Variants in PRKN observed in about 807,000 individuals in gnomAD.
PRKN encodes the protein parkin RBR E3 ubiquitin protein ligase, also known as E3 ubiquitin-protein ligase parkin.
A neutral mutation model predicts 59.5 loss-of-function variants in PRKN; 56 were observed. The ratio of observed to expected loss-of-function variants is 0.94; its 90% CI spans 0.76 to 1.18. The LOEUF (loss-of-function observed/expected upper bound fraction) is 1.18. Ranked by LOEUF, PRKN falls within the 50% of genes most tolerant of loss-of-function variation. PRKN has a pLI of 0.00. For synonymous variants in PRKN, 250 were observed against 222.1 expected, an observed-to-expected ratio of 1.13 and a Z score of -1.12; for missense variants, 657 against 596.4, an observed-to-expected ratio of 1.10 and a Z score of -1.06.
At chr6:161,603,632 TCTCTAA>T (rs1246760177) in intron 7 of PRKN, among the ~76,000 whole-genome samples, 6 of 152,206 alleles carry the variant, frequency 3.9e-5, no homozygotes, top group African/African-American at 1.4e-4. Flanking sequence ...TTTTATCTTC[TCTCTAA>T]CTCTTTGTGT....
At chr6:161,668,048 G>A (rs1303269383) in intron 7 of PRKN, among the ~76,000 whole-genome samples, 1 of 152,112 alleles carries the variant, frequency 6.6e-6, no homozygotes, top group Non-Finnish European at 1.5e-5. Flanking sequence ...AGATCTTGAT[G>A]TATGTTTTCT....
chr6:161,845,496 C>T (rs184169235), intron 6 of PRKN, among the ~76,000 whole-genome samples: 152 of 152,216 alleles, frequency 1.0e-3, no homozygotes, highest in African/African-American at 3.4e-3. Flanking sequence ...AATGTCCTCA[C>T]GTGCCACAAG....
intron 10 of PRKN, among the ~76,000 whole-genome samples, chr6:161,382,277 G>A (rs553114919): frequency 1.1e-4 from 16 of 152,112 alleles, no homozygotes; most frequent in Admixed American, 6.5e-4. Context: ...AGGGCAGATG[G>A]CTTCTGGGAG....
chr6:161,678,216 CTTTTTTTTTTTTTT>C (rs3066554), intron 7 of PRKN, among the ~76,000 whole-genome samples: 12 of 64,948 alleles, frequency 1.8e-4, no homozygotes, highest in Admixed American at 1.3e-3. Context: ...TACTGAATCA[CTTTTTTTTTTTTTT>C]TTTTTTTTTT....
At chr6:162,280,796 C>CAAAA (rs35943173) in intron 2 of PRKN, among the ~76,000 whole-genome samples, 476 of 41,216 alleles carry the variant, frequency 0.012, 46 homozygotes, top group East Asian at 0.052. Flanking sequence ...GACTCCATCT[C>CAAAA]AAAAAAAAAA....
intron 6 of PRKN, among the ~76,000 whole-genome samples, chr6:161,900,272 G>C (rs545181647): frequency 6.9e-4 from 104 of 151,094 alleles, no homozygotes; most frequent in African/African-American, 2.5e-3. Flanking sequence ...GGTGAGATGT[G>C]AACGTGTTGA....
chr6:161,903,169 C>T (rs775241724), intron 6 of PRKN, among the ~76,000 whole-genome samples: 4 of 139,986 alleles, frequency 2.9e-5, no homozygotes, highest in Non-Finnish European at 4.6e-5. Context: ...GGAGACAGGA[C>T]GGAAGCAGCG....
chr6:162,068,710 C>A (rs192718483), intron 4 of PRKN, among the ~76,000 whole-genome samples: 1 of 152,178 alleles, frequency 6.6e-6, no homozygotes, highest in Admixed American at 6.5e-5. Context: ...TAAGTAATAT[C>A]GTCAGGGGAA....
intron 2 of PRKN, among the ~76,000 whole-genome samples, chr6:162,354,271 A>G (rs1784750881): frequency 6.6e-6 from 1 of 152,154 alleles, no homozygotes; most frequent in African/African-American, 2.4e-5. Flanking sequence ...TAGCAAGGCA[A>G]AAGCATAAAT....
chr6:161,392,629 G>A (rs193007390), intron 9 of PRKN, among the ~76,000 whole-genome samples: 1 of 151,706 alleles, frequency 6.6e-6, no homozygotes, highest in Admixed American at 6.6e-5. Flanking sequence ...CAACAGTGTG[G>A]TGGTTTCCTT....
At chr6:161,758,164 T>C (rs1222031292) in intron 7 of PRKN, among the ~76,000 whole-genome samples, 2 of 151,778 alleles carry the variant, frequency 1.3e-5, no homozygotes, top group Non-Finnish European at 2.9e-5. Context: ...CCACGGAAAG[T>C]AGTTTGGCAG....
In PRKN at chr6:161,457,617, G is replaced by T. The variant is rs910250411; in HGVS notation, c.1084-70740C>A. Among the ~76,000 whole-genome samples the T allele has an allele frequency of 7.2e-5, 11 of 152,206 alleles. No homozygotes were observed. On this transcript the variant is annotated intron_variant, in intron 9 of 11. Coordinates refer to ENST00000366898, the MANE Select transcript of PRKN (RefSeq NM_004562.3). The surrounding 1 kb of genome is among the most constrained non-coding windows in gnomAD (Gnocchi z 5.0). ...ATGAATGAATTAATGAATGCTCTGT[G>T]ATCTGAGGGCTGAAGATACATTACT...
chr6:162,556,197 C>G (rs939757887), intron 1 of PRKN, among the ~76,000 whole-genome samples: 5 of 151,912 alleles, frequency 3.3e-5, no homozygotes, highest in African/African-American at 1.2e-4. Context: ...TATTATAACT[C>G]GGAAAAAATC....
At position 161,530,521 on chromosome 6, in the gene PRKN, C is replaced by CT. The variant is rs537671875; in HGVS notation, c.1083+18332dup. ...GGCTTGCTTCTTTTTTTCTTTTTTT[C>CT]TTTTTTTTTTTTGAGATGGAGTTTC... On this transcript the variant is annotated intron_variant, in intron 9 of 11. Coordinates refer to ENST00000366898, the MANE Select transcript of PRKN (RefSeq NM_004562.3). This position sits in a 1 kb window ranked among gnomAD's most constrained non-coding sequence, Gnocchi z 5.0. 0.021 allele frequency among the ~76,000 whole-genome samples: 2,999 copies of CT among 141,840 alleles called. 50 individuals are homozygous for CT. The highest frequency in any genetic ancestry group is 0.032 in the African/African-American group (1,203 of 37,610). The allele number at this position is 141,840 out of a possible 152,430, so 93.1% of individuals were successfully genotyped here. A position where few individuals can be genotyped will look rare whatever the true frequency, so the allele number is the denominator to read the frequency against.
intron 9 of PRKN, among the ~76,000 whole-genome samples, chr6:161,534,689 T>C (rs895726018): frequency 1.1e-4 from 16 of 152,248 alleles, no homozygotes; most frequent in African/African-American, 3.6e-4. Flanking sequence ...TTCAGCACAG[T>C]GGCTGTGACA....
At chr6:162,212,098 T>C (rs1338214948) in intron 3 of PRKN, among the ~76,000 whole-genome samples, 3 of 152,264 alleles carry the variant, frequency 2.0e-5, no homozygotes, top group African/African-American at 7.2e-5. Context: ...AAAGTCTTTC[T>C]ATATCATGAG....
chr6:162,087,074 T>C (rs1779275924), intron 4 of PRKN, among the ~76,000 whole-genome samples: 1 of 152,208 alleles, frequency 6.6e-6, no homozygotes, highest in Non-Finnish European at 1.5e-5. Flanking sequence ...CCTCATTTTC[T>C]AAGGTCCCCC....
intron 9 of PRKN, among the ~76,000 whole-genome samples, chr6:161,494,466 C>T (rs1305917178): frequency 6.6e-6 from 1 of 152,232 alleles, no homozygotes; most frequent in African/African-American, 2.4e-5. Context: ...GTGTTACTTA[C>T]ATTCTGCATT....
At chr6:161,832,623 CA>C (rs529969845) in intron 6 of PRKN, among the ~76,000 whole-genome samples, 5,187 of 75,212 alleles carry the variant, frequency 0.069, 164 homozygotes, top group African/African-American at 0.18. Context: ...GATTCCATCT[CA>C]AAAAAAAAAA....
Sources: gnomAD v4.1 joint callset for allele counts (sites outside exome capture counted in the v4.1 genomes callset) on GRCh38, gnomAD v4.1.1 for gene constraint, Gnocchi (gnomAD v3.1) non-coding constraint, MANE v1.5 for transcripts, NCBI Gene and HGNC (gene_info 2026-07-23, HGNC 2026-07-21) for gene names.